Variants in EIF3H observed in about 807,000 individuals in gnomAD.
EIF3H encodes eIF-3-gamma.
EIF3H carries 26 observed loss-of-function variants against 44.2 expected under a neutral mutation model. The ratio of observed to expected loss-of-function variants is 0.59; its 90% CI spans 0.43 to 0.82. The LOEUF (loss-of-function observed/expected upper bound fraction) is 0.82. EIF3H is among the 40% of genes least tolerant of loss of function. The pLI, the probability that EIF3H is intolerant of heterozygous loss-of-function variation, is 0.00. For missense variants in EIF3H, 359 were observed against 432.8 expected, an observed-to-expected ratio of 0.83 and a Z score of 1.51; for synonymous variants, 166 against 151.9, an observed-to-expected ratio of 1.09 and a Z score of -0.68.
intron 2 of EIF3H, among the ~76,000 whole-genome samples, chr8:116,684,711 A>G (rs1814045315): frequency 6.6e-6 from 1 of 152,218 alleles, no homozygotes; most frequent in Admixed American, 6.5e-5. Context: ...AGATAAGAAA[A>G]TAATTCTTTT....
chr8:116,643,655 G>A lies in EIF3H; in HGVS notation c.*1351C>T, dbSNP rs1441888044. The A allele has an allele frequency of 6.6e-6, 1 of 152,154 alleles. No individual in the cohort carries two copies. Among genetic ancestry groups the A allele is most frequent in the Non-Finnish European group, 1.5e-5 (1 of 68,032 alleles). 9.4% of individuals were successfully genotyped at this position (152,154 alleles called of 1,614,324 possible). A position where few individuals can be genotyped will look rare whatever the true frequency, so the allele number is the denominator to read the frequency against. ...CTGGTTGACAAAAAGTGAGGCACAGGGAGGTTAAATAACTTAGGAAAAGGA... is the reference window on the plus strand; with the variant it reads ...CTGGTTGACAAAAAGTGAGGCACAGAGAGGTTAAATAACTTAGGAAAAGGA... On this transcript the variant is annotated 3_prime_UTR_variant, in exon 8 of 8. Transcript: ENST00000521861.
At chr8:116,678,766 C>G (rs1332581354) in intron 2 of EIF3H, among the ~76,000 whole-genome samples, 165 of 146,870 alleles carry the variant, frequency 1.1e-3, no homozygotes, top group African/African-American at 4.0e-3. Context: ...GCAACCGCCC[C>G]GTCTGAGAAG....
At chr8:116,705,837 G>GT (rs1056211126) in intron 2 of EIF3H, among the ~76,000 whole-genome samples, 2 of 151,970 alleles carry the variant, frequency 1.3e-5, no homozygotes, top group African/African-American at 4.8e-5. Flanking sequence ...TTAAACTAAT[G>GT]TATCTCAGTA....
intron 2 of EIF3H, among the ~76,000 whole-genome samples, chr8:116,693,335 A>C (rs1814211825): frequency 6.6e-6 from 1 of 152,206 alleles, no homozygotes; most frequent in African/African-American, 2.4e-5. Flanking sequence ...GCTCCTTAAG[A>C]GTGAGGAGTG....
At chr8:116,737,586 G>A (rs572723412) in intron 1 of EIF3H, 162 of 188,084 alleles carry the variant, frequency 8.6e-4, no homozygotes, top group Non-Finnish European at 1.5e-3. Flanking sequence ...GAACCTGGGA[G>A]GCGGAGGATG....
chr8:116,687,719 GA>G (rs1407771076), intron 2 of EIF3H, among the ~76,000 whole-genome samples: 3 of 151,688 alleles, frequency 2.0e-5, no homozygotes, highest in African/African-American at 7.3e-5. Context: ...TAAATTTAAA[GA>G]AAAAAAATCT....
chr8:116,682,014 C>G (rs1813998329), intron 2 of EIF3H, among the ~76,000 whole-genome samples: 3 of 152,122 alleles, frequency 2.0e-5, no homozygotes, highest in Admixed American at 2.0e-4. Flanking sequence ...ACCAGATGTT[C>G]CTATGGAACT....
chr8:116,755,917 T>C (rs1360290769), upstream of EIF3H: 3 of 1,544,324 alleles, frequency 1.9e-6, no homozygotes, highest in South Asian at 1.2e-5. Flanking sequence ...GAAGCCAAAA[T>C]TGGGCCCCGC....
At chr8:116,684,439 T>C (rs976294369) in intron 2 of EIF3H, among the ~76,000 whole-genome samples, 1 of 152,216 alleles carries the variant, frequency 6.6e-6, no homozygotes, top group Non-Finnish European at 1.5e-5. Context: ...AAAGACACGG[T>C]GATTCTTCCC....
intron 2 of EIF3H, among the ~76,000 whole-genome samples, chr8:116,723,278 G>C (rs1179132090): frequency 6.6e-6 from 1 of 152,082 alleles, no homozygotes; most frequent in African/African-American, 2.4e-5. Flanking sequence ...ACCTAAACTA[G>C]TGATTATTTA....
At chr8:116,711,446 GA>G (rs1336431152) in intron 2 of EIF3H, among the ~76,000 whole-genome samples, 1 of 152,014 alleles carries the variant, frequency 6.6e-6, no homozygotes, top group Non-Finnish European at 1.5e-5. Context: ...AGGAAGAAGA[GA>G]AATTAAAATA....
upstream of EIF3H, among the ~76,000 whole-genome samples, chr8:116,757,632 A>C (rs1815471849): frequency 6.6e-6 from 1 of 152,222 alleles, no homozygotes; most frequent in African/African-American, 2.4e-5. Flanking sequence ...AAGAATGAAG[A>C]AAAAGAAAAG....
chr8:116,702,886 T>G (rs567380376), intron 2 of EIF3H, among the ~76,000 whole-genome samples: 1 of 152,152 alleles, frequency 6.6e-6, no homozygotes, highest in African/African-American at 2.4e-5. Flanking sequence ...TTGTGGGGAT[T>G]GTGGGGGGTG....
At chr8:116,758,602 AC>A (rs1442976289), upstream of EIF3H, among the ~76,000 whole-genome samples, 1 of 152,180 alleles carries the variant, frequency 6.6e-6, no homozygotes, top group African/African-American at 2.4e-5. Flanking sequence ...CCATAAACAA[AC>A]CTCAGCAAGT....
At chr8:116,734,467 C>G (rs1815000038) in intron 1 of EIF3H, 1 of 443,996 alleles carries the variant, frequency 2.3e-6, no homozygotes, top group African/African-American at 2.0e-5. Flanking sequence ...AAAAAGGCCT[C>G]TAGATGGATA....
At chr8:116,677,546 T>C (rs1422691786) in intron 2 of EIF3H, among the ~76,000 whole-genome samples, 1 of 152,224 alleles carries the variant, frequency 6.6e-6, no homozygotes, top group Non-Finnish European at 1.5e-5. Context: ...GCCATTCTCA[T>C]ATACTGAGAG....
intron 2 of EIF3H, among the ~76,000 whole-genome samples, chr8:116,709,048 C>G (rs971584618): frequency 6.6e-6 from 1 of 151,116 alleles, no homozygotes; most frequent in Non-Finnish European, 1.5e-5. Context: ...GTCTAAATCG[C>G]AAAGATGACA....
intron 2 of EIF3H, among the ~76,000 whole-genome samples, chr8:116,691,196 A>G (rs1422174479): frequency 6.6e-6 from 1 of 152,252 alleles, no homozygotes; most frequent in Non-Finnish European, 1.5e-5. Flanking sequence ...CCATTCATAA[A>G]TAACAATCCA....
chr8:116,651,363 T>A (rs1445787733), intron 5 of EIF3H, among the ~76,000 whole-genome samples: 1 of 152,186 alleles, frequency 6.6e-6, no homozygotes, highest in African/African-American at 2.4e-5. Context: ...AGCTGGTTAC[T>A]ACATTTACAG....
Sources: gnomAD v4.1 joint callset for allele counts (sites outside exome capture counted in the v4.1 genomes callset) on GRCh38, gnomAD v4.1.1 for gene constraint, MANE v1.5 for transcripts, NCBI Gene and HGNC (gene_info 2026-07-23, HGNC 2026-07-21) for gene names.